Variants in RGL1 observed in about 807,000 individuals in gnomAD.
The protein encoded by RGL1 is ral guanine nucleotide dissociation stimulator-like 1.
Under a neutral mutation model 95.2 loss-of-function variants are expected in RGL1, and 24 were observed. The observed-to-expected ratio is 0.25, with a 90% CI of 0.18 to 0.35. The LOEUF (loss-of-function observed/expected upper bound fraction) is 0.35. Among genes scored for constraint, RGL1 ranks in the 10% least tolerant of loss-of-function variants. The pLI is 1.00. For missense variants in RGL1, 715 were observed against 936.3 expected, an observed-to-expected ratio of 0.76 and a Z score of 3.08; for synonymous variants, 329 against 344.9, an observed-to-expected ratio of 0.95 and a Z score of 0.51.
At chr1:183,786,114 G>A (rs969705544) in intron 2 of RGL1, among the ~76,000 whole-genome samples, 1 of 151,660 alleles carries the variant, frequency 6.6e-6, no homozygotes, top group African/African-American at 2.4e-5. Context: ...TATGGAAAAT[G>A]CTTTTGTCTA....
chr1:183,730,568 C>T (rs1656572824), intron 1 of RGL1, among the ~76,000 whole-genome samples: 2 of 152,104 alleles, frequency 1.3e-5, no homozygotes, highest in Non-Finnish European at 2.9e-5. Flanking sequence ...ATTTCAATTT[C>T]CTCTGTGGTT....
intron 2 of RGL1, among the ~76,000 whole-genome samples, chr1:183,788,038 C>T (rs1215451802): frequency 6.6e-6 from 1 of 152,120 alleles, no homozygotes; most frequent in African/African-American, 2.4e-5. Flanking sequence ...TTTATAGCAA[C>T]ACAAAATGGA....
intron 2 of RGL1, among the ~76,000 whole-genome samples, chr1:183,828,090 C>CT (rs200981055): frequency 0.014 from 2,084 of 152,116 alleles, 65 homozygotes; most frequent in African/African-American, 0.047. Flanking sequence ...AATGTTGCAA[C>CT]TTTTTTTTAA....
At chr1:183,840,834 T>C (rs1438155623) in intron 2 of RGL1, among the ~76,000 whole-genome samples, 1 of 152,062 alleles carries the variant, frequency 6.6e-6, no homozygotes, top group Non-Finnish European at 1.5e-5. Context: ...TGAGGCTGCA[T>C]TGAACCCTGA....
intron 13 of RGL1, among the ~76,000 whole-genome samples, chr1:183,906,468 A>AAAAT (rs1397080202): frequency 2.0e-5 from 3 of 151,804 alleles, no homozygotes; most frequent in Non-Finnish European, 4.4e-5. Flanking sequence ...CATCTCTACT[A>AAAAT]AAATAAATAA....
chr1:183,851,383 A>G (rs1456837203), intron 3 of RGL1, among the ~76,000 whole-genome samples: 1 of 152,182 alleles, frequency 6.6e-6, no homozygotes, highest in Non-Finnish European at 1.5e-5. Flanking sequence ...TAGATTTACT[A>G]TGAAGCCACT....
intron 2 of RGL1, among the ~76,000 whole-genome samples, chr1:183,826,459 A>G (rs1022246283): frequency 2.0e-5 from 3 of 152,146 alleles, no homozygotes; most frequent in African/African-American, 7.2e-5. Context: ...CCATGAGGAC[A>G]TGGGTTTTGG....
At chr1:183,907,931 G>T (rs886700884) in intron 14 of RGL1, among the ~76,000 whole-genome samples, 3 of 152,158 alleles carry the variant, frequency 2.0e-5, no homozygotes, top group South Asian at 4.2e-4. Flanking sequence ...CAGGAGTTCA[G>T]TGTTACAGTG....
chr1:183,826,765 A>G (rs1391393641), intron 2 of RGL1, among the ~76,000 whole-genome samples: 1 of 152,224 alleles, frequency 6.6e-6, no homozygotes, highest in East Asian at 1.9e-4. Context: ...AGGCAGAAAA[A>G]TAACATATTT....
chr1:183,680,773 T>G (rs186153994), intron 1 of RGL1, among the ~76,000 whole-genome samples: 7 of 152,330 alleles, frequency 4.6e-5, no homozygotes, highest in Non-Finnish European at 1.0e-4. Flanking sequence ...TTGGGCAGTA[T>G]GGCCATTTTC....
At chr1:183,841,824 G>A (rs1558241802) in intron 2 of RGL1, among the ~76,000 whole-genome samples, 1 of 152,212 alleles carries the variant, frequency 6.6e-6, no homozygotes, top group Non-Finnish European at 1.5e-5. Flanking sequence ...TTCCTATACA[G>A]GTGGAGTATC....
At chr1:183,812,029 C>T (rs1256644625) in intron 2 of RGL1, among the ~76,000 whole-genome samples, 1 of 152,108 alleles carries the variant, frequency 6.6e-6, no homozygotes, top group Non-Finnish European at 1.5e-5. Flanking sequence ...TGCCCAATTC[C>T]ACTCCCTTTA....
chr1:183,681,356 C>A (rs1040752054), intron 1 of RGL1, among the ~76,000 whole-genome samples: 10 of 151,988 alleles, frequency 6.6e-5, no homozygotes, highest in Admixed American at 2.6e-4. Flanking sequence ...TCAATCAAAG[C>A]CTAGTTTATT....
At chr1:183,745,014 A>C (rs7552115) in intron 2 of RGL1, among the ~76,000 whole-genome samples, 69,316 of 151,904 alleles carry the variant, frequency 0.46, 16,913 homozygotes, top group East Asian at 0.8. Context: ...TGAAAGTTCA[A>C]CCATTCTATA....
chr1:183,913,163 CTTAA>C (rs1572596622), intron 15 of RGL1, among the ~76,000 whole-genome samples: 2 of 127,730 alleles, frequency 1.6e-5, no homozygotes, highest in Admixed American at 8.0e-5. Flanking sequence ...ATCTTAAGAT[CTTAA>C]TTAAGACCAG....
intron 2 of RGL1, among the ~76,000 whole-genome samples, chr1:183,784,296 A>G (rs1025158980): frequency 1.3e-5 from 2 of 152,216 alleles, no homozygotes; most frequent in African/African-American, 4.8e-5. Context: ...GGTGCCTGAT[A>G]CTGGGAAATA....
chr1:183,692,214 G>C (rs1653985201), intron 1 of RGL1, among the ~76,000 whole-genome samples: 1 of 152,320 alleles, frequency 6.6e-6, no homozygotes, highest in Non-Finnish European at 1.5e-5. Flanking sequence ...CTTGCCACTT[G>C]CTAGGGACGA....
chr1:183,710,210 G>A, intron 1 of RGL1: 1 of 211,330 alleles, frequency 4.7e-6, no homozygotes, highest in Non-Finnish European at 9.9e-6. Flanking sequence ...GCTCTTCGAT[G>A]CACACTCTTA....
chr1:183,896,102 G>A (rs113101000), intron 9 of RGL1, among the ~76,000 whole-genome samples: 8 of 152,312 alleles, frequency 5.3e-5, no homozygotes, highest in African/African-American at 9.6e-5. Flanking sequence ...CCTACACACC[G>A]GAAAGAGGTG....
Sources: allele counts gnomAD v4.1 joint callset (sites outside exome capture counted in the v4.1 genomes callset), GRCh38; gene constraint gnomAD v4.1.1; transcripts MANE v1.5; gene names NCBI Gene and HGNC (gene_info 2026-07-23, HGNC 2026-07-21).